The following ARF6 variants were observed in gnomAD, a reference collection of about 807,000 sequenced individuals.
ARF6 encodes the protein ADP-ribosylation factor 6.
For synonymous variants in ARF6, 127 were observed against 95.5 expected (o/e 1.33, Z -1.92); for missense variants, 75 against 232.0 (o/e 0.32, Z 4.40).
Position 49,894,453 on chromosome 14 carries a change from CTTTTTTTTT to C in ARF6, c.*203_*211del, listed in dbSNP as rs35848359. The stretch of plus-strand genomic sequence containing the variant: ...TTTTGTTTGTTTCCCTTTCTTTTTC[CTTTTTTTTT>C]TTTTTTTTTTTTTGTTGGCTTTGCG... On this transcript the variant is annotated 3_prime_UTR_variant, in exon 2 of 2. Coordinates refer to ENST00000298316, the MANE Select transcript of ARF6 (RefSeq NM_001663.4). The C allele has an allele frequency of 5.3e-4, 130 of 245,542 alleles. No homozygotes were observed. Among genetic ancestry groups the C allele is most frequent in the East Asian group, 1.3e-3 (19 of 14,446 alleles). The allele number at this position is 245,542 out of a possible 1,614,324, so 15.2% of individuals were successfully genotyped here.
At position 49,895,990 on chromosome 14, in the gene ARF6, TATC is replaced by T. The variant is rs1894518632; in HGVS notation, c.*1729_*1731del. On this transcript the variant is annotated 3_prime_UTR_variant, in exon 2 of 2. Coordinates refer to ENST00000298316, the MANE Select transcript of ARF6 (RefSeq NM_001663.4). ...GTCTGAAAACTAAAATTGAGCGGGATATCATGGTATAGTTGGACAGTATTGGTC... is the reference window on the plus strand; with the variant it reads ...GTCTGAAAACTAAAATTGAGCGGGATATGGTATAGTTGGACAGTATTGGTC... The T allele has an allele frequency of 6.0e-6, 1 of 166,992 alleles. No homozygotes were observed. Among genetic ancestry groups the T allele is most frequent in the Admixed American group, 6.5e-5 (1 of 15,288 alleles). 10.3% of individuals were successfully genotyped at this position (166,992 alleles called of 1,614,324 possible).
In ARF6 at chr14:49,895,448, G is replaced by T. The variant is rs527738749; in HGVS notation, c.*1184G>T. 6.0e-6 allele frequency: 1 copy of T among 167,148 alleles called. No homozygotes were observed. Among genetic ancestry groups the T allele is most frequent in the African/African-American group, 2.4e-5 (1 of 41,566 alleles). 10.4% of individuals were successfully genotyped at this position (167,148 alleles called of 1,614,324 possible). A position where few individuals can be genotyped will look rare whatever the true frequency, so the allele number is the denominator to read the frequency against. On this transcript the variant is annotated 3_prime_UTR_variant, in exon 2 of 2. Transcript: ENST00000298316. ...GTCATTTTTTATAGATGAGTGATCC[G>T]CATCTCCATCAATTAGAACACTGGA... is the stretch of plus-strand genomic sequence containing the variant.
rs1050428203 is a variant in ARF6, at chr14:49,894,264, A to G, written c.528A>G (p.Ter176=). The stretch of plus-strand genomic sequence containing the variant: ...GGTTAACCTCTAACTACAAATCTTA[A>G]TGAGCATTCTCCACCCATCCCCTGG... ...LTWLTSNYKS[*] is the part of the protein sequence containing the mutation. Residue 176 remains the stop codon, a stop_retained_variant, in exon 2 of 2, where the codon TAA becomes TAG. Transcript: ENST00000298316. 8 of 1,602,944 alleles carry G rather than the reference A, an allele frequency of 5.0e-6. No homozygotes were observed. The African/African-American group carries it at 1.1e-4, about 21-fold the overall frequency.
chr14:49,895,693 A>G lies in ARF6; in HGVS notation c.*1429A>G, dbSNP rs972952223. 6.0e-6 allele frequency: 1 copy of G among 166,938 alleles called. No homozygotes were observed. The highest frequency in any genetic ancestry group is 1.5e-5 in the Non-Finnish European group (1 of 68,108). 10.3% of individuals were successfully genotyped at this position (166,938 alleles called of 1,614,324 possible). A position where few individuals can be genotyped will look rare whatever the true frequency, so the allele number is the denominator to read the frequency against. On this transcript the variant is annotated 3_prime_UTR_variant, in exon 2 of 2. Coordinates refer to ENST00000298316, the MANE Select transcript of ARF6 (RefSeq NM_001663.4). Reference sequence around the variant, plus strand: ...AATGAATGTAAACTTATTTTTCTTCATGTGTAAGCAGTGTGCTCGCTGGTG... The same window carrying G: ...AATGAATGTAAACTTATTTTTCTTCGTGTGTAAGCAGTGTGCTCGCTGGTG...
rs947846417 is a variant in ARF6 at position 49,893,381 on chromosome 14, C to T, written c.-356C>T. 2.2e-5 allele frequency: 4 copies of T among 182,648 alleles called. No homozygotes were observed. The highest frequency in any genetic ancestry group is 4.5e-5 in the Non-Finnish European group (4 of 89,884). 11.3% of individuals were successfully genotyped at this position (182,648 alleles called of 1,614,324 possible). A position where few individuals can be genotyped will look rare whatever the true frequency, so the allele number is the denominator to read the frequency against. On this transcript the variant is annotated 5_prime_UTR_variant, in exon 2 of 2. Coordinates refer to ENST00000298316, the MANE Select transcript of ARF6 (RefSeq NM_001663.4). Reference sequence around the variant, plus strand: ...GGCCGGCGGGCGGGCCGGAGGGCTGCAGTCTCCCTCGCGGTGAGAGGAAGG... The same window carrying T: ...GGCCGGCGGGCGGGCCGGAGGGCTGTAGTCTCCCTCGCGGTGAGAGGAAGG...
Position 49,894,747 on chromosome 14 carries a change from A to C in ARF6, c.*483A>C, listed in dbSNP as rs1894499232. The C allele has an allele frequency of 6.0e-6, 1 of 167,812 alleles. No homozygotes were observed. Among genetic ancestry groups the C allele is most frequent in the African/African-American group, 2.4e-5 (1 of 41,402 alleles). The allele number at this position is 167,812 out of a possible 1,614,324, so 10.4% of individuals were successfully genotyped here. A position where few individuals can be genotyped will look rare whatever the true frequency, so the allele number is the denominator to read the frequency against. ...ATGTTGCAAGTCTGTTTCATCTAGT[A>C]AACTGAAAATTATTGCTTAATCAAA... On this transcript the variant is annotated 3_prime_UTR_variant, in exon 2 of 2. Transcript: ENST00000298316.
In ARF6 at chr14:49,893,472, G is replaced by A. The variant is rs567044312; in HGVS notation, c.-265G>A. The A allele has an allele frequency of 5.2e-6, 2 of 382,078 alleles. No homozygotes were observed. Among genetic ancestry groups the A allele is most frequent in the East Asian group, 4.8e-5 (1 of 20,914 alleles). 23.7% of individuals were successfully genotyped at this position (382,078 alleles called of 1,614,324 possible). ...CGGGGGGAAGGGCAGTTCCGGGCCGGGCCGCGCCTCAGCAGGGCGGCGGCT... is the reference window on the plus strand; with the variant it reads ...CGGGGGGAAGGGCAGTTCCGGGCCGAGCCGCGCCTCAGCAGGGCGGCGGCT... On this transcript the variant is annotated 5_prime_UTR_variant, in exon 2 of 2. Transcript: ENST00000298316.
chr14:49,894,556 G>GA lies in ARF6; in HGVS notation c.*293dup. 1 of 310,646 alleles carries GA rather than the reference G, an allele frequency of 3.2e-6. No individual in the cohort carries two copies. The allele number at this position is 310,646 out of a possible 1,614,324, so 19.2% of individuals were successfully genotyped here. ...TAGATGCTCTTGTTGACTTCCAGCA[G>GA]ATGGGATGGGGGAAACACAGCAGTT... On this transcript the variant is annotated 3_prime_UTR_variant, in exon 2 of 2. Transcript: ENST00000298316.
rs1292208703 is a variant in ARF6 at position 49,896,837 on chromosome 14, G to T, written c.*2573G>T. 1 of 167,038 alleles carries T rather than the reference G, an allele frequency of 6.0e-6. No individual in the cohort carries two copies. The highest frequency in any genetic ancestry group is 1.5e-5 in the Non-Finnish European group (1 of 68,078). The allele number at this position is 167,038 out of a possible 1,614,324, so 10.3% of individuals were successfully genotyped here. On this transcript the variant is annotated 3_prime_UTR_variant, in exon 2 of 2. Coordinates refer to ENST00000298316, the MANE Select transcript of ARF6 (RefSeq NM_001663.4). ...AATTATCTAAGAATTTTAAAAATAA[G>T]ATCCTGAAGTTGTTTAATTGCATCC...
Position 49,893,345 on chromosome 14 carries a change from C to T in ARF6, c.-392C>T. ...GGGTGTCCTGGGTCGGTGGGGAGCC[C>T]AGTGCTCGCAGGCCGGCGGGCGGGC... On this transcript the variant is annotated 5_prime_UTR_variant, in exon 2 of 2. Transcript: ENST00000298316. The T allele has an allele frequency of 6.0e-6, 1 of 166,900 alleles. No homozygotes were observed. The highest frequency in any genetic ancestry group is 1.3e-5 in the Non-Finnish European group (1 of 78,672). The allele number at this position is 166,900 out of a possible 1,614,324, so 10.3% of individuals were successfully genotyped here. A position where few individuals can be genotyped will look rare whatever the true frequency, so the allele number is the denominator to read the frequency against.
In ARF6 at chr14:49,893,712, C is replaced by G; in HGVS notation, c.-25C>G. The G allele has an allele frequency of 6.2e-7, 1 of 1,602,266 alleles. No homozygotes were observed. Among genetic ancestry groups the G allele is most frequent in the Non-Finnish European group, 8.5e-7 (1 of 1,171,060 alleles). On this transcript the variant is annotated 5_prime_UTR_variant, in exon 2 of 2. Coordinates refer to ENST00000298316, the MANE Select transcript of ARF6 (RefSeq NM_001663.4). ...GAGGGGACCCGGGACACCTGAATGC[C>G]CCCGGCCCCGGCTCCTCCGACGCGA...
Position 49,896,115 on chromosome 14 carries a change from TAAC to T in ARF6, c.*1854_*1856del, listed in dbSNP as rs912968917. 4.3e-5 allele frequency: 7 copies of T among 164,602 alleles called. No homozygotes were observed. Among genetic ancestry groups the T allele is most frequent in the African/African-American group, 1.2e-4 (5 of 41,448 alleles). The allele number at this position is 164,602 out of a possible 1,614,324, so 10.2% of individuals were successfully genotyped here. ...AATGAACTATTCAAAGTAAAACTCTTAACAAACATTTTACTTAAAGCAGATGCA... is the reference window on the plus strand; with the variant it reads ...AATGAACTATTCAAAGTAAAACTCTTAAACATTTTACTTAAAGCAGATGCA... On this transcript the variant is annotated 3_prime_UTR_variant, in exon 2 of 2. Coordinates refer to ENST00000298316, the MANE Select transcript of ARF6 (RefSeq NM_001663.4).
chr14:49,894,453 C>CTTTTTTTTTTTTTTTTTTT lies in ARF6; in HGVS notation c.*193_*211dup, dbSNP rs35848359. On this transcript the variant is annotated 3_prime_UTR_variant, in exon 2 of 2. Transcript: ENST00000298316. ...TTTTGTTTGTTTCCCTTTCTTTTTC[C>CTTTTTTTTTTTTTTTTTTT]TTTTTTTTTTTTTTTTTTTTTTGTT... 1.3e-5 allele frequency: 3 copies of CTTTTTTTTTTTTTTTTTTT among 226,488 alleles called. No individual in the cohort carries two copies. Among genetic ancestry groups the CTTTTTTTTTTTTTTTTTTT allele is most frequent in the Non-Finnish European group, 2.4e-5 (3 of 125,912 alleles). The allele number at this position is 226,488 out of a possible 1,614,324, so 14.0% of individuals were successfully genotyped here. A position where few individuals can be genotyped will look rare whatever the true frequency, so the allele number is the denominator to read the frequency against.
Position 49,894,453 on chromosome 14 carries a change from CTTTTT to C in ARF6, c.*207_*211del, listed in dbSNP as rs35848359. 4,461 of 242,126 alleles carry C rather than the reference CTTTTT, an allele frequency of 0.018. No individual in the cohort carries two copies. The highest frequency in any genetic ancestry group is 0.025 in the South Asian group (388 of 15,342). The allele number at this position is 242,126 out of a possible 1,614,324, so 15.0% of individuals were successfully genotyped here. ...TTTTGTTTGTTTCCCTTTCTTTTTC[CTTTTT>C]TTTTTTTTTTTTTTTTTGTTGGCTT... On this transcript the variant is annotated 3_prime_UTR_variant, in exon 2 of 2. Coordinates refer to ENST00000298316, the MANE Select transcript of ARF6 (RefSeq NM_001663.4).
rs1277183931 is a variant in ARF6 at position 49,894,428 on chromosome 14, TTTTG to T, written c.*172_*175del. On this transcript the variant is annotated 3_prime_UTR_variant, in exon 2 of 2. Coordinates refer to ENST00000298316, the MANE Select transcript of ARF6 (RefSeq NM_001663.4). Reference sequence around the variant, plus strand: ...GGGGACGGGGCTTGGGGGTTTTCTCTTTTGTTTGTTTCCCTTTCTTTTTCCTTTT... The same window carrying T: ...GGGGACGGGGCTTGGGGGTTTTCTCTTTTGTTTCCCTTTCTTTTTCCTTTT... 1.1e-5 allele frequency: 7 copies of T among 666,108 alleles called. No individual in the cohort carries two copies. The highest frequency in any genetic ancestry group is 1.5e-5 in the Non-Finnish European group (6 of 413,364). 41.3% of individuals were successfully genotyped at this position (666,108 alleles called of 1,614,324 possible). A position where few individuals can be genotyped will look rare whatever the true frequency, so the allele number is the denominator to read the frequency against.
At position 49,893,591 on chromosome 14, in the gene ARF6, C is replaced by T. The variant is rs1594840538; in HGVS notation, c.-146C>T. ...CCGAGTGAGCGGGGGGCCTGGGCCTCTGCCCTTAGGAGGCAACTCCCACGC... is the reference window on the plus strand; with the variant it reads ...CCGAGTGAGCGGGGGGCCTGGGCCTTTGCCCTTAGGAGGCAACTCCCACGC... On this transcript the variant is annotated 5_prime_UTR_variant, in exon 2 of 2. Coordinates refer to ENST00000298316, the MANE Select transcript of ARF6 (RefSeq NM_001663.4). 1 of 969,148 alleles carries T rather than the reference C, an allele frequency of 1.0e-6. No individual in the cohort carries two copies. The highest frequency in any genetic ancestry group is 2.5e-5 in the East Asian group (1 of 39,940). 60.0% of individuals were successfully genotyped at this position (969,148 alleles called of 1,614,324 possible).
rs1024393714 is a variant in ARF6 at position 49,893,408 on chromosome 14, G to C, written c.-329G>C. On this transcript the variant is annotated 5_prime_UTR_variant, in exon 2 of 2. Transcript: ENST00000298316. ...GTCTCCCTCGCGGTGAGAGGAAGGC[G>C]GAGGAGCGGGAACCGCGGCGGCGCT... The C allele has an allele frequency of 7.9e-4, 165 of 208,186 alleles. No homozygotes were observed. The highest frequency in any genetic ancestry group is 3.6e-3 in the African/African-American group (157 of 43,090). 12.9% of individuals were successfully genotyped at this position (208,186 alleles called of 1,614,324 possible). A position where few individuals can be genotyped will look rare whatever the true frequency, so the allele number is the denominator to read the frequency against.
Position 49,894,117 on chromosome 14 carries a change from C to T in ARF6, c.381C>T (p.Pro127=), listed in dbSNP as rs767302736. 14 of 1,613,988 alleles carry T rather than the reference C, an allele frequency of 8.7e-6. No homozygotes were observed. In the Admixed American group the frequency reaches 2.2e-4, roughly 25 times the overall value. The change falls in exon 2 of 2, where the codon CCC becomes CCT. Residue 127 remains proline (P), a synonymous_variant. Coordinates refer to ENST00000298316, the MANE Select transcript of ARF6 (RefSeq NM_001663.4). ...TCTTCGCCAACAAGCAGGACCTGCC[C>T]GATGCCATGAAACCCCACGAGATCC... The part of the protein sequence containing the change: ...ILIFANKQDL[P]DAMKPHEIQE...
At position 49,893,711 on chromosome 14, in the gene ARF6, C is replaced by T. The variant is rs1406243180; in HGVS notation, c.-26C>T. 15 of 1,600,682 alleles carry T rather than the reference C, an allele frequency of 9.4e-6. No individual in the cohort carries two copies. The highest frequency in any genetic ancestry group is 1.7e-5 in the Admixed American group (1 of 59,510). On this transcript the variant is annotated 5_prime_UTR_variant, in exon 2 of 2. Transcript: ENST00000298316. ...TGAGGGGACCCGGGACACCTGAATG[C>T]CCCCGGCCCCGGCTCCTCCGACGCG...
Sources: allele counts gnomAD v4.1 joint callset, GRCh38; gene constraint gnomAD v4.1.1; transcripts MANE v1.5; gene names NCBI Gene and HGNC (gene_info 2026-07-23, HGNC 2026-07-21).